The following NRG3 variants were observed in gnomAD, a reference collection of about 807,000 sequenced individuals.
NRG3 encodes neuregulin 3.
NRG3 carries 31 observed loss-of-function variants against 66.9 expected under a neutral mutation model. The ratio of observed to expected loss-of-function variants is 0.46; its 90% CI spans 0.35 to 0.63. The LOEUF is 0.63. NRG3 is among the 20% of genes least tolerant of loss of function. The pLI is 0.00. For missense variants in NRG3, 910 were observed against 878.9 expected, an observed-to-expected ratio of 1.04 and a Z score of -0.45; for synonymous variants, 393 against 359.4, an observed-to-expected ratio of 1.09 and a Z score of -1.06.
Position 82,792,504 on chromosome 10 carries a change from C to G in NRG3, c.1027+53854C>G, listed in dbSNP as rs1372570678. Among the ~76,000 whole-genome samples, 3 of 152,034 alleles carry G rather than the reference C, an allele frequency of 2.0e-5. No individual in the cohort carries two copies. In the East Asian group the frequency reaches 5.8e-4, roughly 29 times the overall value. ...TTTGTTTCCTGTTGGAGCTTTTAAT[C>G]TATTCTTCATCTCTATTAGGTGTTA... On this transcript the variant is annotated intron_variant, in intron 3 of 8. Coordinates refer to ENST00000372141, the MANE Select transcript of NRG3 (RefSeq NM_001010848.4).
chr10:82,227,286 T>C (rs556023150), intron 1 of NRG3, among the ~76,000 whole-genome samples: 6 of 152,316 alleles, frequency 3.9e-5, no homozygotes, highest in South Asian at 2.1e-4. Flanking sequence ...CCATTCATTC[T>C]ACTGTGGCTG....
At chr10:82,984,912 C>A (rs1201466809) in intron 8 of NRG3, 186 bp from the exon 9 acceptor site, 2 of 1,267,964 alleles carry the variant, frequency 1.6e-6, no homozygotes, top group Non-Finnish European at 1.2e-6. Context: ...TGACCTTGGG[C>A]AAGTCACTTC....
chr10:82,600,276 A>G (rs1387168970), intron 2 of NRG3, among the ~76,000 whole-genome samples: 2 of 152,192 alleles, frequency 1.3e-5, no homozygotes, highest in East Asian at 3.8e-4. Context: ...CATTTAAATC[A>G]ATGATTAGAT....
intron 2 of NRG3, among the ~76,000 whole-genome samples, chr10:82,420,387 C>T: frequency 1.3e-5 from 2 of 152,126 alleles, no homozygotes; most frequent in Admixed American, 1.3e-4. Context: ...CAATTTTTAT[C>T]TTATACTGTA....
chr10:82,043,742 A>G (rs1006744978), intron 1 of NRG3, among the ~76,000 whole-genome samples: 1 of 152,004 alleles, frequency 6.6e-6, no homozygotes, highest in African/African-American at 2.4e-5. Context: ...CTCACTTAAC[A>G]TAGTTAATAG....
At chr10:82,092,582 T>C (rs1180002366) in intron 1 of NRG3, among the ~76,000 whole-genome samples, 2 of 152,064 alleles carry the variant, frequency 1.3e-5, no homozygotes, top group Non-Finnish European at 2.9e-5. Flanking sequence ...CTTAATTAGG[T>C]CTGTTGGGAG....
chr10:82,532,580 TATATA>T (rs1847389428), intron 2 of NRG3, among the ~76,000 whole-genome samples: 1 of 147,984 alleles, frequency 6.8e-6, no homozygotes, highest in Admixed American at 6.8e-5. Flanking sequence ...TGTATATATG[TATATA>T]GTACTATATA....
chr10:82,098,982 G>T (rs1281642567), intron 1 of NRG3, among the ~76,000 whole-genome samples: 1 of 152,120 alleles, frequency 6.6e-6, no homozygotes, highest in Non-Finnish European at 1.5e-5. Flanking sequence ...AGCCAGGATG[G>T]TCTCGATCTC....
intron 1 of NRG3, among the ~76,000 whole-genome samples, chr10:82,250,650 GGAA>G (rs959565626): frequency 3.3e-5 from 5 of 152,174 alleles, no homozygotes; most frequent in African/African-American, 1.2e-4. Context: ...CCTGCTTCCA[GGAA>G]GCCTTGCTTG....
intron 2 of NRG3, among the ~76,000 whole-genome samples, chr10:82,571,114 CTA>C (rs1296072573): frequency 4.6e-5 from 7 of 151,380 alleles, no homozygotes; most frequent in Non-Finnish European, 7.4e-5. Flanking sequence ...AATATTTTCT[CTA>C]TGTCTTCTAG....
At chr10:81,991,753 C>T (rs1051248136) in intron 1 of NRG3, among the ~76,000 whole-genome samples, 3 of 151,934 alleles carry the variant, frequency 2.0e-5, no homozygotes, top group African/African-American at 7.3e-5. Flanking sequence ...AAATAATTAC[C>T]TCTGAACAAA....
intron 2 of NRG3, among the ~76,000 whole-genome samples, chr10:82,592,321 G>T (rs909990849): frequency 6.6e-6 from 1 of 152,086 alleles, no homozygotes; most frequent in Non-Finnish European, 1.5e-5. Context: ...CAGTCCAATC[G>T]GCTAAAAGAA....
intron 2 of NRG3, among the ~76,000 whole-genome samples, chr10:82,662,394 A>G (rs2052436603): frequency 6.6e-6 from 1 of 152,140 alleles, no homozygotes. Flanking sequence ...TCATGAGCCA[A>G]TTCACAGATT....
intron 1 of NRG3, among the ~76,000 whole-genome samples, chr10:81,935,573 AC>A (rs1297474174): frequency 6.6e-6 from 1 of 152,112 alleles, no homozygotes; most frequent in African/African-American, 2.4e-5. Flanking sequence ...TCAGGGAACA[AC>A]AACAACAACA....
chr10:81,917,509 A>C (rs1845815638), intron 1 of NRG3, among the ~76,000 whole-genome samples: 1 of 152,220 alleles, frequency 6.6e-6, no homozygotes, highest in East Asian at 1.9e-4. Flanking sequence ...GTCCCCTTCA[A>C]AATAAGAGAA....
intron 3 of NRG3, among the ~76,000 whole-genome samples, chr10:82,785,678 A>G (rs557164210): frequency 2.0e-5 from 3 of 152,322 alleles, no homozygotes; most frequent in South Asian, 4.1e-4. Flanking sequence ...TTTAAGCAGC[A>G]AAGTGTTTAC....
At chr10:81,951,544 G>A (rs1404595134) in intron 1 of NRG3, among the ~76,000 whole-genome samples, 1 of 152,084 alleles carries the variant, frequency 6.6e-6, no homozygotes, top group Non-Finnish European at 1.5e-5. Flanking sequence ...GAATTCAACT[G>A]CTCCTAGAAA....
At chr10:82,177,830 G>T (rs190886617) in intron 1 of NRG3, among the ~76,000 whole-genome samples, 1 of 152,192 alleles carries the variant, frequency 6.6e-6, no homozygotes, top group East Asian at 1.9e-4. Context: ...AGTCTACCAA[G>T]ACTAAATTAG....
chr10:82,604,118 A>G (rs1283645957), intron 2 of NRG3, among the ~76,000 whole-genome samples: 1 of 152,152 alleles, frequency 6.6e-6, no homozygotes, highest in Non-Finnish European at 1.5e-5. Flanking sequence ...ATGAGTTTTG[A>G]CAAGTGCATA....
Sources: gnomAD v4.1 joint callset for allele counts (sites outside exome capture counted in the v4.1 genomes callset) on GRCh38, gnomAD v4.1.1 for gene constraint, MANE v1.5 for transcripts, NCBI Gene and HGNC (gene_info 2026-07-23, HGNC 2026-07-21) for gene names.